The following MBNL2 variants were observed in gnomAD, a reference collection of about 807,000 sequenced individuals.
The protein encoded by MBNL2 is muscleblind like splicing regulator 2, also known as muscleblind-like protein 2.
In MBNL2, 17 loss-of-function variants were observed where a neutral mutation model predicts 41.9. The observed-to-expected ratio is 0.41, with a 90% CI of 0.28 to 0.61. The LOEUF is 0.61. Among genes scored for constraint, MBNL2 ranks in the 20% least tolerant of loss-of-function variants. The pLI, the probability that MBNL2 is intolerant of heterozygous loss-of-function variation, is 0.35. For synonymous variants in MBNL2, 195 were observed against 182.9 expected (o/e 1.07, Z -0.53); for missense variants, 336 against 505.6 (o/e 0.66, Z 3.22).
At chr13:97,214,438 A>G in the MBNL2 span, among the ~76,000 whole-genome samples, 1 of 152,196 alleles carries the variant, frequency 6.6e-6, no homozygotes, top group Non-Finnish European at 1.5e-5. Flanking sequence ...TATGTTGGGT[A>G]CTGGACAACC....
At chr13:97,237,265 G>A (rs1022012286) in intron 1 of MBNL2, among the ~76,000 whole-genome samples, 2 of 152,208 alleles carry the variant, frequency 1.3e-5, no homozygotes, top group Non-Finnish European at 2.9e-5. Context: ...TGCATGGTGA[G>A]GGACCCTTTG....
At chr13:97,374,002 C>A (rs981644208) in intron 8 of MBNL2, among the ~76,000 whole-genome samples, 1 of 147,616 alleles carries the variant, frequency 6.8e-6, no homozygotes, top group Non-Finnish European at 1.5e-5. Context: ...AGTCCTTATG[C>A]GGCACATTCC....
chr13:97,376,768 G>A (rs577057819), intron 8 of MBNL2, among the ~76,000 whole-genome samples: 1 of 152,238 alleles, frequency 6.6e-6, no homozygotes, highest in East Asian at 1.9e-4. Flanking sequence ...GATATGAAAG[G>A]CAGTAAGTCT....
chr13:97,365,863 A>T (rs933884359), intron 8 of MBNL2, among the ~76,000 whole-genome samples: 4 of 152,182 alleles, frequency 2.6e-5, no homozygotes, highest in Admixed American at 1.3e-4. Flanking sequence ...TTTCAGAGTA[A>T]CTGTATTAGA....
At position 97,256,851 on chromosome 13, in the gene MBNL2, T is replaced by C. The variant is rs12428225; in HGVS notation, c.-604-18781T>C. Among the ~76,000 whole-genome samples, 214 of 152,340 alleles carry C rather than the reference T, an allele frequency of 1.4e-3. 3 individuals are homozygous for C. The East Asian group carries it at 0.023, about 16-fold the overall frequency. ...TCATTTCTCATTTAGAGGCACACTT[T>C]CGTTAAATGCTAAGTAAGTCATTTT... is the stretch of plus-strand genomic sequence containing the variant. On this transcript the variant is annotated intron_variant, in intron 1 of 8. Coordinates refer to ENST00000679496, the MANE Select transcript of MBNL2 (RefSeq NM_001382683.1).
intron 1 of MBNL2, among the ~76,000 whole-genome samples, chr13:97,249,988 C>CT (rs2046210378): frequency 6.6e-6 from 1 of 152,206 alleles, no homozygotes; most frequent in African/African-American, 2.4e-5. Context: ...CTTGGCAAAG[C>CT]TTTTTGCTGG....
intron 2 of MBNL2, among the ~76,000 whole-genome samples, chr13:97,312,212 A>C (rs935438408): frequency 6.6e-6 from 1 of 152,240 alleles, no homozygotes; most frequent in Non-Finnish European, 1.5e-5. Context: ...CATGAAAATC[A>C]ATCAATGGAA....
chr13:97,305,373 T>C (rs2058031998), intron 2 of MBNL2, among the ~76,000 whole-genome samples: 1 of 152,206 alleles, frequency 6.6e-6, no homozygotes, highest in Non-Finnish European at 1.5e-5. Context: ...TCAGATGATA[T>C]GAGCAAATCA....
Position 97,276,180 on chromosome 13 carries a change from A to C in MBNL2, c.-56A>C, listed in dbSNP as rs1438056173. 7.3e-7 allele frequency: 1 copy of C among 1,367,036 alleles called. No homozygotes were observed. The highest frequency in any genetic ancestry group is 1.0e-6 in the Non-Finnish European group (1 of 964,272). The allele number at this position is 1,367,036 out of a possible 1,614,324, so 84.7% of individuals were successfully genotyped here. A position where few individuals can be genotyped will look rare whatever the true frequency, so the allele number is the denominator to read the frequency against. On this transcript the variant is annotated 5_prime_UTR_variant, in exon 2 of 9. Coordinates refer to ENST00000679496, the MANE Select transcript of MBNL2 (RefSeq NM_001382683.1). ...CAACAGTAGTTTTGGAATCATTAGA[A>C]CTTGGATTGATTTCATCATTTAACA...
chr13:97,318,032 G>T (rs2059203901), intron 2 of MBNL2, among the ~76,000 whole-genome samples: 1 of 152,188 alleles, frequency 6.6e-6, no homozygotes, highest in African/African-American at 2.4e-5. Flanking sequence ...CAGAGAGTGT[G>T]GTGGTTCTGG....
At chr13:97,264,159 C>T (rs980710211) in intron 1 of MBNL2, among the ~76,000 whole-genome samples, 1 of 151,776 alleles carries the variant, frequency 6.6e-6, no homozygotes, top group East Asian at 1.9e-4. Flanking sequence ...TCCCGAGTAG[C>T]TGGGACTACA....
At chr13:97,350,313 G>A (rs1714711586) in intron 5 of MBNL2, among the ~76,000 whole-genome samples, 2 of 152,194 alleles carry the variant, frequency 1.3e-5, no homozygotes, top group Admixed American at 1.3e-4. Context: ...CTTTTTGCTG[G>A]TGGAAGGTCT....
Position 97,385,517 on chromosome 13 carries a change from ATT to A in MBNL2, c.1049-5802_1049-5801del, listed in dbSNP as rs561376854. On this transcript the variant is annotated intron_variant, in intron 8 of 8. Transcript: ENST00000679496. ...ACTTGCATATATGGAAATTCTTGGC[ATT>A]TTCACTGGAATGTTTTCCTATCAAT... Among the ~76,000 whole-genome samples the A allele has an allele frequency of 2.4e-3, 365 of 152,270 alleles. 2 individuals carry two copies. The highest frequency in any genetic ancestry group is 5.0e-3 in the Admixed American group (77 of 15,290).
chr13:97,385,807 C>T (rs2153166598), intron 8 of MBNL2, among the ~76,000 whole-genome samples: 1 of 152,274 alleles, frequency 6.6e-6, no homozygotes, highest in South Asian at 2.1e-4. Flanking sequence ...GATTTGTCTT[C>T]TCTTGCACCA....
chr13:97,285,079 A>C (rs2054161378), intron 2 of MBNL2, among the ~76,000 whole-genome samples: 1 of 152,232 alleles, frequency 6.6e-6, no homozygotes, highest in Non-Finnish European at 1.5e-5. Context: ...TCTAAAAATG[A>C]AAATAGTCAG....
intron 7 of MBNL2, among the ~76,000 whole-genome samples, chr13:97,360,679 G>A (rs147773764): frequency 2.0e-5 from 3 of 152,276 alleles, no homozygotes; most frequent in African/African-American, 4.8e-5. Flanking sequence ...TGTCTACACC[G>A]CAAAGTGGAA....
At position 97,344,955 on chromosome 13, in the gene MBNL2, C is replaced by T. The variant is rs115630010; in HGVS notation, c.540+1739C>T. On this transcript the variant is annotated intron_variant, in intron 4 of 8. Coordinates refer to ENST00000679496, the MANE Select transcript of MBNL2 (RefSeq NM_001382683.1). The stretch of plus-strand genomic sequence containing the variant: ...TAGGAGCCTGATGGCTGGTCCACAC[C>T]TATGATGCTATCAGACAGAAGTCAT... 1.7e-3 allele frequency among the ~76,000 whole-genome samples: 259 copies of T among 152,342 alleles called. 2 individuals carry two copies. The highest frequency in any genetic ancestry group is 6.1e-3 in the African/African-American group (252 of 41,566).
the MBNL2 span, among the ~76,000 whole-genome samples, chr13:97,166,943 TTCA>T: frequency 6.6e-6 from 1 of 152,180 alleles, no homozygotes; most frequent in Non-Finnish European, 1.5e-5. Context: ...ATTTGTAGCA[TTCA>T]GGGGAGAAAA....
intron 2 of MBNL2, among the ~76,000 whole-genome samples, chr13:97,305,858 A>C (rs960257476): frequency 1.3e-5 from 2 of 152,166 alleles, no homozygotes; most frequent in Non-Finnish European, 2.9e-5. Context: ...AAAGTTCAAG[A>C]TATTTGACAG....
Sources: gnomAD v4.1 joint callset for allele counts (sites outside exome capture counted in the v4.1 genomes callset) on GRCh38, gnomAD v4.1.1 for gene constraint, MANE v1.5 for transcripts, NCBI Gene and HGNC (gene_info 2026-07-23, HGNC 2026-07-21) for gene names.